MYO3A: variants seen among roughly 807,000 people sequenced by gnomAD.
MYO3A encodes the protein myosin IIIA.
MYO3A carries 180 observed loss-of-function variants against 192.7 expected under a neutral mutation model. The ratio of observed to expected loss-of-function variants is 0.93; its 90% confidence interval spans 0.83 to 1.06. The LOEUF is 1.06. Ranked by LOEUF, MYO3A falls within the 50% of genes least tolerant of loss-of-function variation. The pLI is 0.00. For missense variants in MYO3A, 1,896 were observed against 1,905.0 expected (o/e 1.00, Z 0.09); for synonymous variants, 628 against 645.3 (o/e 0.97, Z 0.41).
At chr10:26,050,468 A>G (rs1482183700) in intron 10 of MYO3A, among the ~76,000 whole-genome samples, 1 of 152,206 alleles carries the variant, frequency 6.6e-6, no homozygotes, top group East Asian at 1.9e-4. Flanking sequence ...TGTTAAAGGG[A>G]CTGTGCCACT....
chr10:26,029,803 A>G (rs975667056), intron 10 of MYO3A, among the ~76,000 whole-genome samples: 7 of 152,094 alleles, frequency 4.6e-5, no homozygotes, highest in Non-Finnish European at 4.4e-5. Flanking sequence ...TCATTTGTTT[A>G]TTTAATATTT....
chr10:26,012,694 C>T (rs1456029223), intron 6 of MYO3A, among the ~76,000 whole-genome samples: 2 of 152,008 alleles, frequency 1.3e-5, no homozygotes, highest in Non-Finnish European at 2.9e-5. Flanking sequence ...CAATGCCATT[C>T]CCATCAAAAT....
intron 10 of MYO3A, among the ~76,000 whole-genome samples, chr10:26,061,794 C>T (rs1834497047): frequency 6.6e-6 from 1 of 152,156 alleles, no homozygotes; most frequent in Admixed American, 6.6e-5. Context: ...CCCTCTGCTC[C>T]TCACCATCCA....
intron 10 of MYO3A, 86 bp downstream of exon 10, chr10:26,026,618 A>G (rs1409795744): frequency 2.6e-6 from 4 of 1,518,746 alleles, no homozygotes; most frequent in East Asian, 2.3e-5. Context: ...TTTAAGGTGA[A>G]TAAAATTTGG....
intron 30 of MYO3A, among the ~76,000 whole-genome samples, chr10:26,175,140 G>A (rs1447153169): frequency 1.3e-5 from 2 of 152,194 alleles, no homozygotes; most frequent in African/African-American, 4.8e-5. Flanking sequence ...TGTTTCAGCT[G>A]TTTCTAGAGA....
chr10:26,178,436 C>T (rs1842438019), intron 31 of MYO3A, among the ~76,000 whole-genome samples: 1 of 151,796 alleles, frequency 6.6e-6, no homozygotes, highest in African/African-American at 2.4e-5. Flanking sequence ...CCCATAATAC[C>T]AGCTACTCTG....
At chr10:26,012,320 A>G (rs183179807) in intron 6 of MYO3A, among the ~76,000 whole-genome samples, 1 of 152,312 alleles carries the variant, frequency 6.6e-6, no homozygotes, top group Admixed American at 6.5e-5. Flanking sequence ...TGCAAATGAT[A>G]TGATTGTATA....
intron 26 of MYO3A, among the ~76,000 whole-genome samples, chr10:26,165,043 C>T (rs1841671747): frequency 6.6e-6 from 1 of 152,200 alleles, no homozygotes; most frequent in African/African-American, 2.4e-5. Context: ...GTATTCTTCT[C>T]CACGGAGCCT....
intron 6 of MYO3A, among the ~76,000 whole-genome samples, chr10:26,011,680 C>T (rs1841672278): frequency 1.3e-5 from 2 of 152,122 alleles, no homozygotes; most frequent in Non-Finnish European, 2.9e-5. Context: ...TTCTATCAGA[C>T]ATTCAAAGAA....
chr10:26,205,463 CTTTT>C (rs759042803), intron 34 of MYO3A, among the ~76,000 whole-genome samples: 44 of 98,682 alleles, frequency 4.5e-4, no homozygotes, highest in African/African-American at 1.5e-3. Flanking sequence ...GTGTGCTTGT[CTTTT>C]TTTTTTTTTT....
chr10:25,969,198 A>G (rs969578652), intron 4 of MYO3A, among the ~76,000 whole-genome samples: 3 of 151,968 alleles, frequency 2.0e-5, no homozygotes, highest in African/African-American at 4.8e-5. Flanking sequence ...GCACCAGTAC[A>G]CTCCAGCCAG....
intron 10 of MYO3A, among the ~76,000 whole-genome samples, chr10:26,063,090 C>T (rs1467161138): frequency 6.6e-6 from 1 of 151,778 alleles, no homozygotes; most frequent in Non-Finnish European, 1.5e-5. Context: ...ACTCCAGGGT[C>T]CAGTGGAGGG....
intron 4 of MYO3A, among the ~76,000 whole-genome samples, chr10:25,995,447 C>T (rs1374832028): frequency 1.3e-5 from 2 of 152,140 alleles, no homozygotes; most frequent in Admixed American, 6.5e-5. Context: ...GCGATGGATT[C>T]GAACTTCCTC....
chr10:26,147,439 A>C lies in MYO3A; in HGVS notation c.2515A>C (p.Asn839His). The C allele has an allele frequency of 6.2e-7, 1 of 1,613,238 alleles. No individual in the cohort carries two copies. Among genetic ancestry groups the C allele is most frequent in the Non-Finnish European group, 8.5e-7 (1 of 1,179,262 alleles). Residue 839 changes from asparagine (N) to histidine (H), a missense_variant, in exon 23 of 35, where the codon AAT becomes CAT. Asn to His is a moderately conservative substitution (Grantham distance 68). Coordinates refer to ENST00000642920, the MANE Select transcript of MYO3A (RefSeq NM_017433.5). ...CATACTGTATCAACAGGTCCTCTATAATGCAAGTGGATTCTTAGCCAAAAA... is the reference window on the plus strand; with the variant it reads ...CATACTGTATCAACAGGTCCTCTATCATGCAAGTGGATTCTTAGCCAAAAA... ...IHHYAGKVLYNASGFLAKNRD... is the reference protein window; with the variant it reads ...IHHYAGKVLYHASGFLAKNRD...
intron 8 of MYO3A, chr10:26,022,763 A>G (rs1203789515): frequency 6.6e-6 from 1 of 152,242 alleles, no homozygotes; most frequent in Non-Finnish European, 1.5e-5. Flanking sequence ...TTAAACCATC[A>G]TATTTAGTCT....
At chr10:26,174,792 C>G (rs1306081883) in intron 30 of MYO3A, among the ~76,000 whole-genome samples, 1 of 151,956 alleles carries the variant, frequency 6.6e-6, no homozygotes, top group African/African-American at 2.4e-5. Flanking sequence ...AGTCGTGATA[C>G]TAGAGATTGG....
Position 26,193,263 on chromosome 10 carries a change from C to T in MYO3A, c.4497C>T (p.Pro1499=). 1 of 1,613,852 alleles carries T rather than the reference C, an allele frequency of 6.2e-7. No individual in the cohort carries two copies. The part of the protein sequence containing the change: ...ILRPPRRPRK[P]KTLNNPEDST... ...GACCCCCAAGACGACCCCGGAAACC[C>T]AAAACATTAAATAACCCTGAAGACT... Residue 1499 remains proline (P), a synonymous_variant, in exon 32 of 35, where the codon CCC becomes CCT. Coordinates refer to ENST00000642920, the MANE Select transcript of MYO3A (RefSeq NM_017433.5).
chr10:26,156,240 A>G (rs1483492599), intron 25 of MYO3A, among the ~76,000 whole-genome samples: 4 of 152,204 alleles, frequency 2.6e-5, no homozygotes, highest in Admixed American at 2.6e-4. Flanking sequence ...AAGCCATGCA[A>G]ATTCAGAGCT....
chr10:26,175,463 A>G (rs1842278653), intron 30 of MYO3A, among the ~76,000 whole-genome samples: 1 of 152,244 alleles, frequency 6.6e-6, no homozygotes, highest in Non-Finnish European at 1.5e-5. Context: ...GTAATAAAAG[A>G]AATATCATAA....
Sources: allele counts gnomAD v4.1 joint callset (sites outside exome capture counted in the v4.1 genomes callset), GRCh38; gene constraint gnomAD v4.1.1; transcripts MANE v1.5; gene names NCBI Gene and HGNC (gene_info 2026-07-23, HGNC 2026-07-21).